The following UBASH3A variants were observed in gnomAD, a reference collection of about 807,000 sequenced individuals.
UBASH3A encodes ubiquitin associated and SH3 domain containing A.
A neutral mutation model predicts 73.5 loss-of-function variants in UBASH3A; 63 were observed. That is an observed-to-expected ratio of 0.86 (90% confidence interval 0.70 to 1.06). The LOEUF is 1.06. UBASH3A is among the 50% of genes least tolerant of loss of function. The pLI is 0.00. For missense variants in UBASH3A, 860 were observed against 859.0 expected (o/e 1.00, Z -0.02); for synonymous variants, 363 against 351.1 (o/e 1.03, Z -0.38).
intron 11 of UBASH3A, among the ~76,000 whole-genome samples, chr21:42,439,911 C>T (rs1177916863): frequency 6.8e-6 from 1 of 146,566 alleles, no homozygotes; most frequent in Admixed American, 6.8e-5. Flanking sequence ...ACACACCACA[C>T]ACCTCACACA....
chr21:42,439,524 C>CGCGAATCCCCAAAG (rs2053690704), intron 11 of UBASH3A, among the ~76,000 whole-genome samples: 1 of 152,122 alleles, frequency 6.6e-6, no homozygotes, highest in African/African-American at 2.4e-5. Flanking sequence ...CGAAAGGACT[C>CGCGAATCCCCAAAG]GCGAATCCCC....
intron 3 of UBASH3A, chr21:42,410,053 A>G: frequency 1.4e-6 from 1 of 701,544 alleles, no homozygotes; most frequent in Non-Finnish European, 2.6e-6. Flanking sequence ...AATGTGTGGT[A>G]AGTCAACTCA....
chr21:42,419,787 A>G (rs113534931), intron 7 of UBASH3A, among the ~76,000 whole-genome samples: 2,635 of 152,322 alleles, frequency 0.017, 80 homozygotes, highest in African/African-American at 0.059. Context: ...TGCCCATACA[A>G]TCATTCTGTG....
At chr21:42,432,332 T>C in intron 9 of UBASH3A, 130 bp downstream of exon 9, 1 of 583,974 alleles carries the variant, frequency 1.7e-6, no homozygotes, top group East Asian at 2.9e-5. Context: ...ATGTGTAGAC[T>C]GTATGTGTGG....
At chr21:42,424,710 C>T (rs997732546) in intron 7 of UBASH3A, among the ~76,000 whole-genome samples, 1 of 152,194 alleles carries the variant, frequency 6.6e-6, no homozygotes, top group Non-Finnish European at 1.5e-5. Context: ...AAGAAAGGTA[C>T]AATTAAGGGC....
chr21:42,431,243 C>A (rs1344068393), intron 8 of UBASH3A, among the ~76,000 whole-genome samples: 1 of 152,228 alleles, frequency 6.6e-6, no homozygotes, highest in Non-Finnish European at 1.5e-5. Flanking sequence ...CAGAGCCCCC[C>A]ACAACACCAT....
intron 8 of UBASH3A, among the ~76,000 whole-genome samples, chr21:42,431,324 C>T (rs966447548): frequency 6.6e-6 from 1 of 152,248 alleles, no homozygotes; most frequent in African/African-American, 2.4e-5. Context: ...TGGGCTACTT[C>T]CCCAAAGCAC....
intron 10 of UBASH3A, chr21:42,435,160 T>C: frequency 2.1e-6 from 1 of 478,026 alleles, no homozygotes; most frequent in Non-Finnish European, 3.6e-6. Flanking sequence ...AGAGGTTTGA[T>C]CTAGGAATGG....
At chr21:42,430,565 G>A (rs2053510169) in intron 8 of UBASH3A, among the ~76,000 whole-genome samples, 1 of 152,120 alleles carries the variant, frequency 6.6e-6, no homozygotes, top group South Asian at 2.1e-4. Flanking sequence ...TCCTGCCCAG[G>A]GGTCCTCCCT....
intron 10 of UBASH3A, 133 bp downstream of exon 10, chr21:42,435,087 A>G (rs2053602406): frequency 1.7e-6 from 2 of 1,200,230 alleles, no homozygotes; most frequent in Admixed American, 2.4e-5. Flanking sequence ...TCTGCTGAGG[A>G]GGCTGGGGCA....
chr21:42,409,720 T>C, intron 3 of UBASH3A, 112 bp downstream of exon 3: 2 of 963,748 alleles, frequency 2.1e-6, no homozygotes, highest in South Asian at 3.3e-5. Flanking sequence ...AGTCCAGAAC[T>C]GCATCATTAG....
intron 14 of UBASH3A, among the ~76,000 whole-genome samples, chr21:42,446,334 G>T (rs1015672462): frequency 3.3e-5 from 5 of 152,126 alleles, no homozygotes; most frequent in Non-Finnish European, 7.3e-5. Context: ...AGGGCAGCTG[G>T]AAAGGGAGCA....
chr21:42,413,297 C>T lies in UBASH3A; in HGVS notation c.553+75C>T. On this transcript the variant is annotated intron_variant, in intron 4 of 14. Coordinates refer to ENST00000319294, the MANE Select transcript of UBASH3A (RefSeq NM_018961.4). The surrounding 1 kb of genome is among the most constrained non-coding windows in gnomAD (Gnocchi z 4.5). ...GAGCCCTCTGTGGCAGGGACTAGCC[C>T]CCGGCACATGGATGCAGTGGGTGGG... 2.5e-6 allele frequency: 4 copies of T among 1,577,008 alleles called. No individual in the cohort carries two copies. Among genetic ancestry groups the T allele is most frequent in the Non-Finnish European group, 3.5e-6 (4 of 1,149,650 alleles).
rs1163451368 is a variant in UBASH3A, at chr21:42,447,241, C to T, written c.*47C>T. On this transcript the variant is annotated 3_prime_UTR_variant, in exon 15 of 15. Coordinates refer to ENST00000319294, the MANE Select transcript of UBASH3A (RefSeq NM_018961.4). The stretch of plus-strand genomic sequence containing the variant: ...AACCTCAGAGTGGAGAGGCAGAAAC[C>T]ATGTGCAGAGGCTGGGAGATGCTGC... The T allele has an allele frequency of 8.8e-6, 14 of 1,591,974 alleles. No individual in the cohort carries two copies. The highest frequency in any genetic ancestry group is 1.2e-5 in the Non-Finnish European group (14 of 1,169,104).
At chr21:42,420,212 G>A (rs921673222) in intron 7 of UBASH3A, among the ~76,000 whole-genome samples, 2 of 152,026 alleles carry the variant, frequency 1.3e-5, no homozygotes, top group Non-Finnish European at 2.9e-5. Context: ...TCATGTTCTC[G>A]AGTCCCCGAT....
In UBASH3A at chr21:42,418,473, T is replaced by C; in HGVS notation, c.910T>C (p.Phe304Leu). 6.2e-7 allele frequency: 1 copy of C among 1,614,236 alleles called. No homozygotes were observed. Among genetic ancestry groups the C allele is most frequent in the Non-Finnish European group, 8.5e-7 (1 of 1,180,040 alleles). The change falls in exon 7 of 15, where the codon TTT (phenylalanine) becomes CTT (leucine). Residue 304 changes from phenylalanine to leucine, a missense_variant. Physicochemically the swap from Phe to Leu is conservative, Grantham distance 22. Coordinates refer to ENST00000319294, the MANE Select transcript of UBASH3A (RefSeq NM_018961.4). ...ELTLSPGDYI[F>L]VDPTQQDEAS... is the part of the protein sequence containing the mutation. ...GACGCTAAGTCCTGGTGACTACATCTTTGTGGACCCCACGCAGCAGGACGA... is the reference window on the plus strand; with the variant it reads ...GACGCTAAGTCCTGGTGACTACATCCTTGTGGACCCCACGCAGCAGGACGA...
At position 42,447,273 on chromosome 21, in the gene UBASH3A, C is replaced by G; in HGVS notation, c.*79C>G. 3.4e-6 allele frequency: 5 copies of G among 1,478,220 alleles called. No homozygotes were observed. The highest frequency in any genetic ancestry group is 4.6e-6 in the Non-Finnish European group (5 of 1,089,126). The allele number at this position is 1,478,220 out of a possible 1,614,324, so 91.6% of individuals were successfully genotyped here. On this transcript the variant is annotated 3_prime_UTR_variant, in exon 15 of 15. Coordinates refer to ENST00000319294, the MANE Select transcript of UBASH3A (RefSeq NM_018961.4). The stretch of plus-strand genomic sequence containing the variant: ...AGAGGCTGGGAGATGCTGCTGTTTC[C>G]AGAGGCGTCTTAGTCTCACCCAATG...
chr21:42,405,357 G>A (rs1481816500), intron 1 of UBASH3A, among the ~76,000 whole-genome samples: 2 of 152,156 alleles, frequency 1.3e-5, no homozygotes, highest in African/African-American at 2.4e-5. Context: ...GGTGGAACCC[G>A]AACCAGCTTT....
chr21:42,424,992 G>A (rs562129600), intron 7 of UBASH3A, among the ~76,000 whole-genome samples: 1 of 152,312 alleles, frequency 6.6e-6, no homozygotes, highest in Admixed American at 6.5e-5. Flanking sequence ...ATGGTGGCTT[G>A]ACCTCAGACT....
Sources: allele counts gnomAD v4.1 joint callset (sites outside exome capture counted in the v4.1 genomes callset), GRCh38; gene constraint gnomAD v4.1.1; non-coding constraint Gnocchi (gnomAD v3.1); transcripts MANE v1.5; gene names NCBI Gene and HGNC (gene_info 2026-07-23, HGNC 2026-07-21).